Variants in SMYD3 observed in about 807,000 individuals in gnomAD.
SMYD3 encodes the protein histone-lysine N-methyltransferase SMYD3.
Under a neutral mutation model 57.7 loss-of-function variants are expected in SMYD3, and 36 were observed. The ratio of observed to expected loss-of-function variants is 0.62; its 90% confidence interval spans 0.48 to 0.82. The LOEUF (loss-of-function observed/expected upper bound fraction) is 0.82, where lower values mean the gene tolerates loss of function less well. Among genes scored for constraint, SMYD3 ranks in the 40% least tolerant of loss-of-function variants. The pLI is 0.00. For missense variants in SMYD3, 515 were observed against 538.8 expected (o/e 0.96, Z 0.44); for synonymous variants, 211 against 195.0 (o/e 1.08, Z -0.68).
At chr1:246,379,370 C>G (rs2066351039) in intron 1 of SMYD3, among the ~76,000 whole-genome samples, 1 of 152,022 alleles carries the variant, frequency 6.6e-6, no homozygotes, top group Non-Finnish European at 1.5e-5. Flanking sequence ...TGCAAACTTT[C>G]AAAAGCTGTT....
At chr1:246,419,127 A>AC (rs961166295) in intron 1 of SMYD3, among the ~76,000 whole-genome samples, 8 of 151,886 alleles carry the variant, frequency 5.3e-5, no homozygotes, top group Admixed American at 2.6e-4. Context: ...TGTAAGATCC[A>AC]CCCCCCACTA....
intron 5 of SMYD3, among the ~76,000 whole-genome samples, chr1:245,984,038 T>C (rs1356301403): frequency 1.7e-4 from 26 of 151,440 alleles, no homozygotes; most frequent in Non-Finnish European, 2.9e-5. Context: ...TCGCTCTTGT[T>C]GCCCAGGCTG....
chr1:245,852,896 C>T (rs937578862), intron 10 of SMYD3, among the ~76,000 whole-genome samples: 3 of 152,100 alleles, frequency 2.0e-5, no homozygotes, highest in Admixed American at 2.0e-4. Flanking sequence ...GAAAGAGGCC[C>T]TGATTAGGCA....
intron 11 of SMYD3, among the ~76,000 whole-genome samples, chr1:245,762,301 C>T (rs1028957415): frequency 6.6e-6 from 1 of 152,150 alleles, no homozygotes; most frequent in Non-Finnish European, 1.5e-5. Context: ...GGATCACGTA[C>T]GTACGAGCAG....
intron 5 of SMYD3, among the ~76,000 whole-genome samples, chr1:245,949,986 G>A (rs1429796827): frequency 6.6e-6 from 1 of 152,000 alleles, no homozygotes; most frequent in Admixed American, 6.6e-5. Flanking sequence ...GGAAGAGAAA[G>A]CGAAAAATAA....
At chr1:246,250,293 T>C (rs886326776) in intron 5 of SMYD3, among the ~76,000 whole-genome samples, 1 of 152,222 alleles carries the variant, frequency 6.6e-6, no homozygotes, top group African/African-American at 2.4e-5. Context: ...TCAGTTATCA[T>C]GGAATAGCTA....
chr1:246,459,202 T>C (rs567500860), intron 1 of SMYD3, among the ~76,000 whole-genome samples: 1 of 151,416 alleles, frequency 6.6e-6, no homozygotes, highest in Non-Finnish European at 1.5e-5. Flanking sequence ...TCGCGAGATC[T>C]TGTTATTTGA....
In SMYD3 at chr1:246,266,730, G is replaced by C. The variant is rs548926988; in HGVS notation, c.531+60471C>G. Among the ~76,000 whole-genome samples, 3 of 152,172 alleles carry C rather than the reference G, an allele frequency of 2.0e-5. No individual in the cohort carries two copies. In the East Asian group the frequency reaches 5.8e-4, roughly 29 times the overall value. On this transcript the variant is annotated intron_variant, in intron 5 of 11. Transcript: ENST00000490107. ...TTGCTTAACTGGGACCCGGGAGGTGGAGGTTGCAGTGAGCCGAGATTGCAC... is the reference window on the plus strand; with the variant it reads ...TTGCTTAACTGGGACCCGGGAGGTGCAGGTTGCAGTGAGCCGAGATTGCAC...
In SMYD3 at chr1:245,806,867, G is replaced by A. The variant is rs548609060; in HGVS notation, c.1077-42718C>T. On this transcript the variant is annotated intron_variant, in intron 10 of 11. Transcript: ENST00000490107. ...GGAGCTTGCAGTGAGCCGAGATCGC[G>A]CCACTGCAGTCCGCAATCCGGCCTG... is the stretch of plus-strand genomic sequence containing the variant. Among the ~76,000 whole-genome samples, 210 of 129,714 alleles carry A rather than the reference G, an allele frequency of 1.6e-3. 7 individuals are homozygous for A. In the South Asian group the frequency reaches 0.029, roughly 18 times the overall value. The allele number at this position is 129,714 out of a possible 152,430, so 85.1% of individuals were successfully genotyped here. A position where few individuals can be genotyped will look rare whatever the true frequency, so the allele number is the denominator to read the frequency against.
intron 10 of SMYD3, among the ~76,000 whole-genome samples, chr1:245,791,074 C>T (rs545929541): frequency 5.3e-5 from 8 of 152,220 alleles, no homozygotes; most frequent in African/African-American, 1.9e-4. Flanking sequence ...AGCTCACCAC[C>T]CAGGCTGCAT....
intron 5 of SMYD3, among the ~76,000 whole-genome samples, chr1:246,244,648 T>A (rs1344765236): frequency 6.6e-6 from 1 of 152,190 alleles, no homozygotes; most frequent in Non-Finnish European, 1.5e-5. Flanking sequence ...ATGTACCATA[T>A]GAGTAGATCC....
chr1:246,328,149 G>A (rs7546685), intron 4 of SMYD3, among the ~76,000 whole-genome samples: 6,242 of 152,058 alleles, frequency 0.041, 426 homozygotes, highest in African/African-American at 0.14. Context: ...AGCCAACATC[G>A]CGCCACTGCA....
intron 5 of SMYD3, among the ~76,000 whole-genome samples, chr1:245,946,183 G>A (rs1229382613): frequency 6.6e-6 from 1 of 152,134 alleles, no homozygotes; most frequent in Non-Finnish European, 1.5e-5. Flanking sequence ...CACAATTTAG[G>A]TTTTTTCTCT....
intron 9 of SMYD3, among the ~76,000 whole-genome samples, chr1:245,862,641 G>C (rs2148490471): frequency 6.6e-6 from 1 of 152,194 alleles, no homozygotes; most frequent in South Asian, 2.1e-4. Context: ...GCCCGAGATG[G>C]AAAAACAACA....
chr1:246,060,993 C>A (rs1023271292), intron 5 of SMYD3, among the ~76,000 whole-genome samples: 1 of 151,654 alleles, frequency 6.6e-6, no homozygotes, highest in African/African-American at 2.4e-5. Flanking sequence ...TTTGGGAGGC[C>A]GAGGCGGGCG....
At chr1:246,074,453 T>C (rs533233061) in intron 5 of SMYD3, among the ~76,000 whole-genome samples, 2 of 151,344 alleles carry the variant, frequency 1.3e-5, no homozygotes, top group Admixed American at 6.6e-5. Context: ...CTCCCATATA[T>C]AACATACCAA....
At chr1:246,074,017 C>T (rs1236214147) in intron 5 of SMYD3, among the ~76,000 whole-genome samples, 1 of 152,178 alleles carries the variant, frequency 6.6e-6, no homozygotes, top group Non-Finnish European at 1.5e-5. Flanking sequence ...TGAATGTGGC[C>T]AAACGCAAAC....
At chr1:246,006,834 G>T (rs1408102444) in intron 5 of SMYD3, among the ~76,000 whole-genome samples, 1 of 152,126 alleles carries the variant, frequency 6.6e-6, no homozygotes, top group African/African-American at 2.4e-5. Context: ...CGGGGCTATT[G>T]AAGACTCCAT....
intron 10 of SMYD3, among the ~76,000 whole-genome samples, chr1:245,813,171 C>T (rs1192419398): frequency 1.3e-5 from 2 of 151,826 alleles, no homozygotes; most frequent in Admixed American, 6.6e-5. Context: ...CCCGCCACCA[C>T]GCCCGGCTAA....
Sources: allele counts gnomAD v4.1 joint callset (sites outside exome capture counted in the v4.1 genomes callset), GRCh38; gene constraint gnomAD v4.1.1; transcripts MANE v1.5; gene names NCBI Gene and HGNC (gene_info 2026-07-23, HGNC 2026-07-21).